Variants in NUP93 observed in about 807,000 individuals in gnomAD.
NUP93 encodes the protein nucleoporin 93, also known as nuclear pore complex protein Nup93.
NUP93 carries 55 observed loss-of-function variants against 107.8 expected under a neutral mutation model. That is an observed-to-expected ratio of 0.51 (90% CI 0.41 to 0.64). The LOEUF is 0.64. Among genes scored for constraint, NUP93 ranks in the 30% least tolerant of loss-of-function variants. NUP93 has a pLI of 0.00. For missense variants in NUP93, 937 were observed against 1,044.7 expected (o/e 0.90, Z 1.42); for synonymous variants, 390 against 397.5 (o/e 0.98, Z 0.22).
At chr16:56,786,374 A>C (rs1339534481) in intron 3 of NUP93, among the ~76,000 whole-genome samples, 4 of 152,228 alleles carry the variant, frequency 2.6e-5, no homozygotes, top group African/African-American at 9.6e-5. Flanking sequence ...ATTTTGCCCT[A>C]AATCTGGACC....
chr16:56,752,264 A>C (rs1226886450), intron 2 of NUP93, among the ~76,000 whole-genome samples: 2 of 152,200 alleles, frequency 1.3e-5, no homozygotes, highest in East Asian at 3.9e-4. Context: ...GGTAAAAAAC[A>C]CACACAAGAA....
At chr16:56,791,562 G>C (rs1354874229) in intron 3 of NUP93, among the ~76,000 whole-genome samples, 1 of 152,224 alleles carries the variant, frequency 6.6e-6, no homozygotes, top group Admixed American at 6.5e-5. Flanking sequence ...TTTTTCTACA[G>C]TAGGAATTAG....
chr16:56,819,760 A>T (rs1344645484), intron 6 of NUP93, among the ~76,000 whole-genome samples: 1 of 152,228 alleles, frequency 6.6e-6, no homozygotes, highest in Non-Finnish European at 1.5e-5. Flanking sequence ...TGATGGTATT[A>T]TCAGAAGTCC....
intron 3 of NUP93, among the ~76,000 whole-genome samples, chr16:56,763,741 CAA>C (rs1360310365): frequency 6.6e-6 from 1 of 151,898 alleles, no homozygotes; most frequent in African/African-American, 2.4e-5. Context: ...GAGGAAAAGA[CAA>C]AACTTCCTGA....
rs185227544 is a variant in NUP93 at position 56,808,154 on chromosome 16, A to T, written c.489+2522A>T. Among the ~76,000 whole-genome samples, 491 of 90,194 alleles carry T rather than the reference A, an allele frequency of 5.4e-3. 17 individuals are homozygous for T. The highest frequency in any genetic ancestry group is 0.033 in the Admixed American group (270 of 8,238). 59.2% of individuals were successfully genotyped at this position (90,194 alleles called of 152,430 possible). ...TAAATATATTTATATAACTATATAT[A>T]ATATATAGTTATATAACTATATAAA... On this transcript the variant is annotated intron_variant, in intron 5 of 21. Coordinates refer to ENST00000308159, the MANE Select transcript of NUP93 (RefSeq NM_014669.5).
At chr16:56,841,318 A>G (rs1345010493) in intron 20 of NUP93, among the ~76,000 whole-genome samples, 1 of 152,050 alleles carries the variant, frequency 6.6e-6, no homozygotes, top group African/African-American at 2.4e-5. Context: ...GAGGAGTGGT[A>G]GGGACTGTGG....
At position 56,847,932 on chromosome 16, in the gene NUP93, CTT is replaced by C. The variant is rs1418559020; in HGVS notation, c.*3326_*3327del. 2 of 152,204 alleles carry C rather than the reference CTT, an allele frequency of 1.3e-5. No homozygotes were observed. The highest frequency in any genetic ancestry group is 4.1e-4 in the South Asian group (2 of 4,826). 9.4% of individuals were successfully genotyped at this position (152,204 alleles called of 1,614,324 possible). Reference sequence around the variant, plus strand: ...CAGCTTTAAAGCAAAGAACTACAGACTTTTCCGCAGTGTCCAGCATTTGCTGA... The same window carrying C: ...CAGCTTTAAAGCAAAGAACTACAGACTTCCGCAGTGTCCAGCATTTGCTGA... On this transcript the variant is annotated 3_prime_UTR_variant, in exon 22 of 22. Transcript: ENST00000308159.
intron 3 of NUP93, among the ~76,000 whole-genome samples, chr16:56,768,634 A>G (rs1473817827): frequency 1.3e-5 from 2 of 151,812 alleles, no homozygotes; most frequent in Non-Finnish European, 1.5e-5. Context: ...TTGGAGGCCA[A>G]GGCGGGCGGA....
intron 3 of NUP93, among the ~76,000 whole-genome samples, chr16:56,768,235 G>A (rs760879226): frequency 3.3e-5 from 5 of 152,064 alleles, no homozygotes; most frequent in African/African-American, 9.7e-5. Context: ...GTTTCTCACC[G>A]TTGCAGTGAA....
chr16:56,771,278 T>C (rs181983929), intron 3 of NUP93, among the ~76,000 whole-genome samples: 1 of 152,198 alleles, frequency 6.6e-6, no homozygotes, highest in African/African-American at 2.4e-5. Context: ...ATGGATTGAG[T>C]GAGTGTTGGC....
intron 10 of NUP93, among the ~76,000 whole-genome samples, chr16:56,831,316 A>T (rs1364290508): frequency 1.3e-5 from 2 of 152,212 alleles, no homozygotes; most frequent in Non-Finnish European, 2.9e-5. Flanking sequence ...AAAAACTAGG[A>T]TACTTTTCTT....
rs766465893 is a variant in NUP93 at position 56,798,435 on chromosome 16, A to G, written c.298-41A>G. On this transcript the variant is annotated intron_variant, in intron 3 of 21. Transcript: ENST00000308159. ...CCTGCAGTATACTTTTGATTTTTTG[A>G]AAGTTAATTTTAAGTTGTGTTAATT... 5.7e-6 allele frequency: 9 copies of G among 1,569,492 alleles called. No individual in the cohort carries two copies. The African/African-American group carries it at 1.2e-4, about 21-fold the overall frequency.
At chr16:56,841,592 A>C (rs1239450142) in intron 20 of NUP93, 113 bp from the exon 21 acceptor site, 2 of 1,311,096 alleles carry the variant, frequency 1.5e-6, no homozygotes, top group African/African-American at 3.0e-5. Flanking sequence ...CCACCTGGCA[A>C]TGGTGAGGAG....
chr16:56,804,538 C>T (rs1245738988), intron 4 of NUP93, among the ~76,000 whole-genome samples: 1 of 151,984 alleles, frequency 6.6e-6, no homozygotes, highest in Non-Finnish European at 1.5e-5. Flanking sequence ...GTGGTGGTTG[C>T]CAGGAGCTAA....
intron 8 of NUP93, 80 bp from the exon 9 acceptor site, chr16:56,828,897 G>A: frequency 2.1e-6 from 3 of 1,452,030 alleles, no homozygotes; most frequent in Non-Finnish European, 2.9e-6. Flanking sequence ...AAGCTACAGT[G>A]TAATGTCATG....
At chr16:56,808,137 T>TA (rs368835003) in intron 5 of NUP93, among the ~76,000 whole-genome samples, 1 of 54,668 alleles carries the variant, frequency 1.8e-5, no homozygotes, top group Non-Finnish European at 3.8e-5. Flanking sequence ...TATAAATATA[T>TA]TTATATAACT....
At chr16:56,783,492 ATGTG>A (rs1392447372) in intron 3 of NUP93, 1 of 985,300 alleles carries the variant, frequency 1.0e-6, no homozygotes, top group East Asian at 1.1e-4. Flanking sequence ...AGACAATGAG[ATGTG>A]GTTTGCATTT....
At chr16:56,843,381 C>T (rs1360041184) in intron 21 of NUP93, among the ~76,000 whole-genome samples, 2 of 152,182 alleles carry the variant, frequency 1.3e-5, no homozygotes, top group Non-Finnish European at 2.9e-5. Flanking sequence ...CCTGGCAGGC[C>T]ATGTCTCATG....
chr16:56,786,263 C>T lies in NUP93; in HGVS notation c.298-12213C>T, dbSNP rs78763828. ...CATGAAGTTGGAGTTCTGTTGCTGGCCTTAGGGTTTAGTGCAATCAGCTCA... is the reference window on the plus strand; with the variant it reads ...CATGAAGTTGGAGTTCTGTTGCTGGTCTTAGGGTTTAGTGCAATCAGCTCA... On this transcript the variant is annotated intron_variant, in intron 3 of 21. Transcript: ENST00000308159. 6.7e-3 allele frequency among the ~76,000 whole-genome samples: 1,027 copies of T among 152,234 alleles called. 7 individuals carry two copies. Among genetic ancestry groups the T allele is most frequent in the African/African-American group, 0.024 (980 of 41,520 alleles).
Sources: allele counts gnomAD v4.1 joint callset (sites outside exome capture counted in the v4.1 genomes callset), GRCh38; gene constraint gnomAD v4.1.1; transcripts MANE v1.5; gene names NCBI Gene and HGNC (gene_info 2026-07-23, HGNC 2026-07-21).